SDK1: variants seen among roughly 807,000 people sequenced by gnomAD.
SDK1 encodes the protein protein sidekick-1.
A neutral mutation model predicts 245.5 loss-of-function variants in SDK1; 157 were observed. The observed-to-expected ratio is 0.64, with a 90% confidence interval of 0.56 to 0.73. SDK1 has a LOEUF of 0.73. Among genes scored for constraint, SDK1 ranks in the 30% least tolerant of loss-of-function variants. The pLI, the probability that SDK1 is intolerant of heterozygous loss-of-function variation, is 0.00. For synonymous variants in SDK1, 1,647 were observed against 1,278.5 expected, an observed-to-expected ratio of 1.29 and a Z score of -6.15; for missense variants, 3,583 against 3,002.3, an observed-to-expected ratio of 1.19 and a Z score of -4.52.
chr7:3,468,611 A>G (rs562603808), intron 1 of SDK1, among the ~76,000 whole-genome samples: 2 of 151,372 alleles, frequency 1.3e-5, no homozygotes, highest in South Asian at 4.2e-4. Context: ...CTCATTCCAG[A>G]GAGTGTCCTC....
chr7:3,942,668 T>C (rs1347978552), intron 5 of SDK1, among the ~76,000 whole-genome samples: 1 of 152,236 alleles, frequency 6.6e-6, no homozygotes, highest in Non-Finnish European at 1.5e-5. Flanking sequence ...AGTTTTCAGA[T>C]GGTCCTGTAG....
intron 25 of SDK1, among the ~76,000 whole-genome samples, 197 bp downstream of exon 25, chr7:4,114,471 A>G (rs576635717): frequency 9.2e-5 from 14 of 152,256 alleles, no homozygotes; most frequent in Non-Finnish European, 1.8e-4. Flanking sequence ...CAAGCCATTC[A>G]TTGGAAACTG....
chr7:4,266,854 C>T lies in SDK1; in HGVS notation c.*1470C>T. ...GCGTGACACACACAAGACTCAAGAC[C>T]ACCCTGTCAGTGCCCCCCAGTGCAC... On this transcript the variant is annotated 3_prime_UTR_variant, in exon 45 of 45. Transcript: ENST00000404826. 1 of 985,578 alleles carries T rather than the reference C, an allele frequency of 1.0e-6. No homozygotes were observed. Among genetic ancestry groups the T allele is most frequent in the African/African-American group, 1.7e-5 (1 of 57,376 alleles). The allele number at this position is 985,578 out of a possible 1,614,324, so 61.1% of individuals were successfully genotyped here. A position where few individuals can be genotyped will look rare whatever the true frequency, so the allele number is the denominator to read the frequency against.
intron 1 of SDK1, among the ~76,000 whole-genome samples, chr7:3,435,758 A>G (rs1257504592): frequency 6.6e-6 from 1 of 151,984 alleles, no homozygotes; most frequent in African/African-American, 2.4e-5. Context: ...CTTCTAAGGG[A>G]CATCTTGTGG....
chr7:3,816,167 A>G (rs1170001682), intron 4 of SDK1, among the ~76,000 whole-genome samples: 1 of 149,374 alleles, frequency 6.7e-6, no homozygotes. Context: ...TTGACACCCT[A>G]ACATCACAAT....
chr7:3,417,494 AC>A (rs1214078269), intron 1 of SDK1, among the ~76,000 whole-genome samples: 1 of 151,846 alleles, frequency 6.6e-6, no homozygotes, highest in Non-Finnish European at 1.5e-5. Context: ...TCAAGTTCTA[AC>A]TCTTCAAGCG....
chr7:3,496,596 G>A (rs553421766), intron 1 of SDK1, among the ~76,000 whole-genome samples: 10 of 152,168 alleles, frequency 6.6e-5, no homozygotes, highest in Admixed American at 2.0e-4. Context: ...TGGTGAAAGT[G>A]AAAATTTAAA....
intron 4 of SDK1, among the ~76,000 whole-genome samples, chr7:3,793,176 A>G (rs1778859156): frequency 6.6e-6 from 1 of 152,180 alleles, no homozygotes; most frequent in African/African-American, 2.4e-5. Context: ...TGTAAGGGTT[A>G]TAATTTTAAT....
intron 4 of SDK1, among the ~76,000 whole-genome samples, chr7:3,805,875 C>G (rs1470702602): frequency 1.3e-5 from 2 of 152,178 alleles, no homozygotes; most frequent in Non-Finnish European, 2.9e-5. Flanking sequence ...TCTCTTTAAA[C>G]CCTTTTTCTC....
chr7:3,410,121 C>T (rs527672561), intron 1 of SDK1, among the ~76,000 whole-genome samples: 1 of 152,052 alleles, frequency 6.6e-6, no homozygotes, highest in Non-Finnish European at 1.5e-5. Flanking sequence ...TAAGTGTTAT[C>T]ATAATCACAT....
At chr7:3,426,793 C>T (rs1166833134) in intron 1 of SDK1, among the ~76,000 whole-genome samples, 1 of 152,154 alleles carries the variant, frequency 6.6e-6, no homozygotes, top group Non-Finnish European at 1.5e-5. Context: ...TACTAAAATC[C>T]ATTGTGCAGA....
intron 1 of SDK1, among the ~76,000 whole-genome samples, chr7:3,332,443 C>T (rs1780092118): frequency 6.6e-6 from 1 of 152,024 alleles, no homozygotes; most frequent in Non-Finnish European, 1.5e-5. Context: ...TCAACAGGAT[C>T]CAAGAACTTA....
chr7:4,068,976 C>A lies in SDK1; in HGVS notation c.3010+1040C>A, dbSNP rs955136307. ...ACCTCAAGTGATCCACCTGCCTCAG[C>A]CTCCCAAAGTGCTGGGATTACAGGC... is the stretch of plus-strand genomic sequence containing the variant. On this transcript the variant is annotated intron_variant, in intron 20 of 44. Transcript: ENST00000404826. Among the ~76,000 whole-genome samples the A allele has an allele frequency of 3.3e-5, 5 of 152,172 alleles. 1 individual carries two copies. Among genetic ancestry groups the A allele is most frequent in the Admixed American group, 6.5e-5 (1 of 15,282 alleles).
Position 3,929,572 on chromosome 7 carries a change from C to A in SDK1, c.848-21351C>A, listed in dbSNP as rs528620553. 2.0e-5 allele frequency among the ~76,000 whole-genome samples: 3 copies of A among 152,270 alleles called. 1 individual carries two copies. The highest frequency in any genetic ancestry group is 7.2e-5 in the African/African-American group (3 of 41,552). ...CAGGATTTTCTTGGCATCCTTAAAG[C>A]GGTGGGACTGTTCTAAACTCCTTTG... is the stretch of plus-strand genomic sequence containing the variant. On this transcript the variant is annotated intron_variant, in intron 5 of 44. Coordinates refer to ENST00000404826, the MANE Select transcript of SDK1 (RefSeq NM_152744.4).
At chr7:4,209,080 A>AATC (rs1369049785) in intron 37 of SDK1, among the ~76,000 whole-genome samples, 1 of 152,188 alleles carries the variant, frequency 6.6e-6, no homozygotes, top group Non-Finnish European at 1.5e-5. Context: ...GGACTCCGGG[A>AATC]ATCAGGGCCC....
intron 35 of SDK1, among the ~76,000 whole-genome samples, chr7:4,190,389 G>A (rs896393733): frequency 5.9e-5 from 9 of 152,250 alleles, no homozygotes; most frequent in African/African-American, 2.2e-4. Flanking sequence ...GCTGGTCACA[G>A]ATGGTCACCA....
intron 1 of SDK1, among the ~76,000 whole-genome samples, chr7:3,334,281 G>C (rs921742835): frequency 6.6e-6 from 1 of 152,144 alleles, no homozygotes; most frequent in Admixed American, 6.5e-5. Context: ...ACCTTTCCTT[G>C]ATAGGTTGAC....
intron 28 of SDK1, among the ~76,000 whole-genome samples, chr7:4,134,241 T>G (rs1165415153): frequency 2.0e-5 from 3 of 152,218 alleles, no homozygotes; most frequent in African/African-American, 7.2e-5. Flanking sequence ...CAGAAGTGTT[T>G]GGCTTTGAGT....
intron 1 of SDK1, among the ~76,000 whole-genome samples, chr7:3,480,156 A>G (rs1781470161): frequency 6.6e-6 from 1 of 152,218 alleles, no homozygotes; most frequent in South Asian, 2.1e-4. Flanking sequence ...AGGTGGGTCC[A>G]GTATAATCAC....
Sources: allele counts gnomAD v4.1 joint callset (sites outside exome capture counted in the v4.1 genomes callset), GRCh38; gene constraint gnomAD v4.1.1; transcripts MANE v1.5; gene names NCBI Gene and HGNC (gene_info 2026-07-23, HGNC 2026-07-21).